Variants in CAMKK2 observed in about 807,000 individuals in gnomAD.
CAMKK2 encodes the protein calcium/calmodulin dependent protein kinase kinase 2.
A neutral mutation model predicts 67.2 loss-of-function variants in CAMKK2; 30 were observed. The observed-to-expected ratio is 0.45, with a 90% CI of 0.33 to 0.61. The LOEUF is 0.61. Among genes scored for constraint, CAMKK2 ranks in the 20% least tolerant of loss-of-function variants. CAMKK2 has a pLI of 0.02. For missense variants in CAMKK2, 643 were observed against 802.0 expected, an observed-to-expected ratio of 0.80 and a Z score of 2.39; for synonymous variants, 322 against 326.2, an observed-to-expected ratio of 0.99 and a Z score of 0.14.
chr12:121,245,615 G>T lies in CAMKK2; in HGVS notation c.1453-375C>A, dbSNP rs949085406. ...GTGGTCAGCCAGAGAGCCCCGGAAA[G>T]TTCTGGAGCAAGGACGTGAACCAGT... is the stretch of plus-strand genomic sequence containing the variant. On this transcript the variant is annotated intron_variant, in intron 14 of 16. Transcript: ENST00000404169. The surrounding 1 kb of genome is among the most constrained non-coding windows in gnomAD (Gnocchi z 5.8). Among the ~76,000 whole-genome samples the T allele has an allele frequency of 1.3e-5, 2 of 152,166 alleles. No individual in the cohort carries two copies. The highest frequency in any genetic ancestry group is 4.8e-5 in the African/African-American group (2 of 41,430).
At chr12:121,273,538 C>T (rs1209603007) in intron 2 of CAMKK2, among the ~76,000 whole-genome samples, 3 of 152,092 alleles carry the variant, frequency 2.0e-5, no homozygotes, top group Admixed American at 1.3e-4. Flanking sequence ...TGCCAACACA[C>T]GCTCGGCCAG....
chr12:121,264,776 AAATAATAAT>A (rs57906202), intron 5 of CAMKK2, among the ~76,000 whole-genome samples: 5,421 of 139,918 alleles, frequency 0.039, 147 homozygotes, highest in South Asian at 0.083. Context: ...TCAGTCTCAA[AAATAATAAT>A]AATAATAATA....
At chr12:121,283,584 G>A (rs1898188129) in intron 1 of CAMKK2, among the ~76,000 whole-genome samples, 1 of 152,164 alleles carries the variant, frequency 6.6e-6, no homozygotes, top group Non-Finnish European at 1.5e-5. Flanking sequence ...GGAGACCGAG[G>A]TGGGAGGATG....
At chr12:121,271,997 A>G (rs890637413) in intron 2 of CAMKK2, among the ~76,000 whole-genome samples, 16 of 152,014 alleles carry the variant, frequency 1.1e-4, no homozygotes, top group African/African-American at 3.9e-4. Flanking sequence ...GGCGTGAGCT[A>G]CTGGGCCTAG....
chr12:121,287,197 T>G (rs938311547), intron 1 of CAMKK2, among the ~76,000 whole-genome samples: 1 of 152,198 alleles, frequency 6.6e-6, no homozygotes, highest in African/African-American at 2.4e-5. Context: ...TGAGCCACTG[T>G]GCCTAGCTGG....
At position 121,263,920 on chromosome 12, in the gene CAMKK2, G is replaced by A. The variant is rs1893986712; in HGVS notation, c.645C>T (p.Gly215=). The A allele has an allele frequency of 1.2e-6, 2 of 1,606,192 alleles. No homozygotes were observed. Among genetic ancestry groups the A allele is most frequent in the Non-Finnish European group, 1.7e-6 (2 of 1,174,336 alleles). ...TGCAGCCTCCAGGAGCTGGCCGGGT[G>A]CCTCGGGGTGGAGGGCGACCTGAAG... ...AGFPRRPPPR[G]TRPAPGGCIQ... Residue 215 remains glycine, a synonymous_variant, in exon 6 of 17, where the codon GGC becomes GGT. Coordinates refer to ENST00000404169, the MANE Select transcript of CAMKK2 (RefSeq NM_001270485.2).
Position 121,240,530 on chromosome 12 carries a change from T to C in CAMKK2, c.*169A>G. 6.5e-7 allele frequency: 1 copy of C among 1,534,940 alleles called. No individual in the cohort carries two copies. Among genetic ancestry groups the C allele is most frequent in the Non-Finnish European group, 8.7e-7 (1 of 1,146,514 alleles). On this transcript the variant is annotated 3_prime_UTR_variant, in exon 17 of 17. Transcript: ENST00000404169. This position sits in a 1 kb window ranked among gnomAD's most constrained non-coding sequence, Gnocchi z 4.4. ...GACGTCATGGAGTCAAGTCCTTTTT[T>C]TTTTTTTGTCCCCTTTAAAACAACA...
At position 121,265,037 on chromosome 12, in the gene CAMKK2, A is replaced by T. The variant is rs149277215; in HGVS notation, c.626-1098T>A. 5.9e-3 allele frequency among the ~76,000 whole-genome samples: 896 copies of T among 152,178 alleles called. 9 individuals are homozygous for T. The highest frequency in any genetic ancestry group is 0.021 in the African/African-American group (860 of 41,522). On this transcript the variant is annotated intron_variant, in intron 5 of 16. Transcript: ENST00000404169. ...AAAATGAAGCCAGGGAGAAGAAAAG[A>T]AGCAAGCATCGGGAGAGAAAAACAA...
At chr12:121,282,840 C>T (rs188187069) in intron 1 of CAMKK2, among the ~76,000 whole-genome samples, 143 of 152,222 alleles carry the variant, frequency 9.4e-4, no homozygotes, top group African/African-American at 3.4e-3. Flanking sequence ...CTGCAACCTC[C>T]GCCTCCCAAG....
rs1360992930 is a variant in CAMKK2 at position 121,270,952 on chromosome 12, A to G, written c.472-7T>C. 8.1e-6 allele frequency: 13 copies of G among 1,612,130 alleles called. No individual in the cohort carries two copies. Among genetic ancestry groups the G allele is most frequent in the Non-Finnish European group, 1.0e-5 (12 of 1,178,712 alleles). ...GATTCAGCTGCACACAGTCCTAGAG[A>G]GTAAGGAGAGACACGTGCAAAATGA... On this transcript the variant is annotated splice_polypyrimidine_tract_variant and splice_region_variant and intron_variant, in intron 2 of 16. Transcript: ENST00000404169.
intron 7 of CAMKK2, among the ~76,000 whole-genome samples, chr12:121,256,386 ATTTC>A (rs775063784): frequency 7.2e-5 from 11 of 152,150 alleles, no homozygotes; most frequent in African/African-American, 1.7e-4. Context: ...CAAAAAAAAA[ATTTC>A]TTTGAGATGA....
In CAMKK2 at chr12:121,290,109, C is replaced by T. The variant is rs553964406; in HGVS notation, c.-60+6529G>A. On this transcript the variant is annotated intron_variant, in intron 1 of 16. Coordinates refer to ENST00000404169, the MANE Select transcript of CAMKK2 (RefSeq NM_001270485.2). Reference sequence around the variant, plus strand: ...ACAGCGTGGCTCAAGCTAATTGTTCCGCAAAGATCACGTCCTCCCTTCCTT... The same window carrying T: ...ACAGCGTGGCTCAAGCTAATTGTTCTGCAAAGATCACGTCCTCCCTTCCTT... 3.9e-5 allele frequency among the ~76,000 whole-genome samples: 6 copies of T among 152,258 alleles called. 1 individual carries two copies. Among genetic ancestry groups the T allele is most frequent in the Admixed American group, 1.3e-4 (2 of 15,282 alleles).
chr12:121,268,967 A>T (rs1393781646), intron 4 of CAMKK2, among the ~76,000 whole-genome samples: 2 of 152,138 alleles, frequency 1.3e-5, no homozygotes, highest in Non-Finnish European at 2.9e-5. Context: ...GAGCCTCAGG[A>T]CTTGCTGCCA....
Position 121,255,799 on chromosome 12 carries a change from C to G in CAMKK2, c.802G>C (p.Glu268Gln). The change falls in exon 8 of 17, where the codon GAA becomes CAA. Residue 268 changes from glutamate (E) to glutamine (Q), a missense_variant. By Grantham distance (29) the Glu-to-Gln change is conservative. Around this residue, in one of 3 missense-constraint regions of CAMKK2, gnomAD observed 483 missense variants for 625.8 expected, o/e 0.77. Transcript: ENST00000404169. The stretch of plus-strand genomic sequence containing the variant: ...GACACTCACCCTTGGTTGACCAGTT[C>G]GAACACTGTAGGGAAGAAAAGGGTG... ...PNEDHLYMVFELVNQGPVMEV... is the reference protein window; with the variant it reads ...PNEDHLYMVFQLVNQGPVMEV... The G allele has an allele frequency of 1.2e-6, 2 of 1,613,860 alleles. No individual in the cohort carries two copies. Among genetic ancestry groups the G allele is most frequent in the Non-Finnish European group, 1.7e-6 (2 of 1,179,890 alleles).
intron 1 of CAMKK2, among the ~76,000 whole-genome samples, chr12:121,292,762 G>A (rs1405641897): frequency 1.3e-5 from 2 of 152,176 alleles, no homozygotes; most frequent in Non-Finnish European, 2.9e-5. Flanking sequence ...GAGTCCAGGA[G>A]TTCGAGACCA....
intron 7 of CAMKK2, among the ~76,000 whole-genome samples, chr12:121,257,535 T>A (rs570840782): frequency 8.6e-5 from 13 of 151,966 alleles, no homozygotes; most frequent in East Asian, 7.7e-4. Flanking sequence ...GGCAAAAAAA[T>A]TTTTTAAAAA....
At chr12:121,281,882 G>A (rs1151890) in intron 1 of CAMKK2, among the ~76,000 whole-genome samples, 1,990 of 152,320 alleles carry the variant, frequency 0.013, 44 homozygotes, top group African/African-American at 0.045. Context: ...GGAGGCAGAG[G>A]TTGTGGTGAG....
intron 16 of CAMKK2, among the ~76,000 whole-genome samples, chr12:121,242,896 C>A (rs998703675): frequency 6.6e-6 from 1 of 152,176 alleles, no homozygotes; most frequent in Non-Finnish European, 1.5e-5. Flanking sequence ...GCGCCCGCCA[C>A]CGCGCCCGGC....
intron 5 of CAMKK2, among the ~76,000 whole-genome samples, chr12:121,266,846 T>A (rs779734844): frequency 2.9e-4 from 44 of 152,094 alleles, no homozygotes; most frequent in South Asian, 1.0e-3. Flanking sequence ...TGCCCAGCAA[T>A]GCTGGCAGGG....
Sources: gnomAD v4.1 joint callset for allele counts (sites outside exome capture counted in the v4.1 genomes callset) on GRCh38, gnomAD v4.1.1 for gene constraint, gnomAD v4.1.1 regional missense constraint, Gnocchi (gnomAD v3.1) non-coding constraint, MANE v1.5 for transcripts, NCBI Gene and HGNC (gene_info 2026-07-23, HGNC 2026-07-21) for gene names.